The following OIT3 variants were observed in gnomAD, a reference collection of about 807,000 sequenced individuals.
The protein encoded by OIT3 is oncoprotein induced transcript 3.
OIT3 carries 41 observed loss-of-function variants against 52.2 expected under a neutral mutation model. That is an observed-to-expected ratio of 0.79 (90% CI 0.61 to 1.02). The LOEUF (loss-of-function observed/expected upper bound fraction) is 1.02. OIT3 is among the 50% of genes least tolerant of loss of function. The pLI is 0.00. For synonymous variants in OIT3, 244 were observed against 276.9 expected, an observed-to-expected ratio of 0.88 and a Z score of 1.18; for missense variants, 634 against 715.5, an observed-to-expected ratio of 0.89 and a Z score of 1.30.
At chr10:72,922,946 G>A (rs995751731) in intron 6 of OIT3, among the ~76,000 whole-genome samples, 5 of 152,128 alleles carry the variant, frequency 3.3e-5, no homozygotes, top group African/African-American at 1.2e-4. Context: ...TGCAATCTCA[G>A]CTCACTGCAA....
rs189260368 is a variant in OIT3 at position 72,922,091 on chromosome 10, C to T, written c.952-2138C>T. ...GGGCTTCCCTTGTAGGTGACTTAGC[C>T]TTTCTCTCTGGCTGCCCTTAACATG... is the stretch of plus-strand genomic sequence containing the variant. On this transcript the variant is annotated intron_variant, in intron 6 of 8. Transcript: ENST00000334011. Among the ~76,000 whole-genome samples, 441 of 152,240 alleles carry T rather than the reference C, an allele frequency of 2.9e-3. 2 individuals carry two copies. The highest frequency in any genetic ancestry group is 1.0e-2 in the African/African-American group (415 of 41,524).
chr10:72,896,395 G>A (rs1405334160), intron 1 of OIT3, among the ~76,000 whole-genome samples: 1 of 152,182 alleles, frequency 6.6e-6, no homozygotes, highest in African/African-American at 2.4e-5. Context: ...CTTTTGATGG[G>A]AGAAAGAATC....
Position 72,911,801 on chromosome 10 carries a change from G to T in OIT3, c.752G>T (p.Arg251Leu). The T allele has an allele frequency of 1.2e-6, 2 of 1,613,514 alleles. No individual in the cohort carries two copies. Among genetic ancestry groups the T allele is most frequent in the South Asian group, 2.2e-5 (2 of 91,002 alleles). The change falls in exon 5 of 9, where the codon CGG becomes CTG. Residue 251 changes from arginine (R) to leucine (L), a missense_variant. Coordinates refer to ENST00000334011, the MANE Select transcript of OIT3 (RefSeq NM_152635.3). ...SEKGYQCECP[R>L]GLVLSEDNHT... ...AAAGGCTACCAGTGTGAATGTCCCC[G>T]GGGCCTGGTGCTGTCTGAGGATAAC...
intron 8 of OIT3, among the ~76,000 whole-genome samples, 177 bp from the exon 9 acceptor site, chr10:72,932,177 G>A (rs772097469): frequency 6.6e-6 from 1 of 152,164 alleles, no homozygotes; most frequent in African/African-American, 2.4e-5. Flanking sequence ...ATTTGGGCAA[G>A]TTCCTTAACC....
At chr10:72,926,929 G>A (rs539406367) in intron 7 of OIT3, among the ~76,000 whole-genome samples, 100 of 152,092 alleles carry the variant, frequency 6.6e-4, no homozygotes, top group African/African-American at 2.4e-3. Flanking sequence ...GTTCTGATGT[G>A]TATACCCATG....
intron 1 of OIT3, among the ~76,000 whole-genome samples, chr10:72,897,432 A>G (rs891207381): frequency 5.9e-5 from 9 of 152,244 alleles, no homozygotes; most frequent in African/African-American, 2.2e-4. Flanking sequence ...ACTTGGCTAT[A>G]TGACAGCTAG....
intron 7 of OIT3, 54 bp from the exon 8 acceptor site, chr10:72,930,484 T>C: frequency 1.5e-6 from 2 of 1,346,730 alleles, no homozygotes; most frequent in Non-Finnish European, 2.1e-6. Flanking sequence ...TTAGATTGTT[T>C]TTCCACCTCT....
chr10:72,915,503 T>C (rs756415183), intron 6 of OIT3, among the ~76,000 whole-genome samples: 9 of 152,238 alleles, frequency 5.9e-5, no homozygotes, highest in Non-Finnish European at 1.0e-4. Context: ...ACAGTCTTGT[T>C]CTGTGTGTGT....
intron 1 of OIT3, among the ~76,000 whole-genome samples, chr10:72,896,325 G>C (rs1044714806): frequency 3.9e-5 from 6 of 152,108 alleles, no homozygotes; most frequent in African/African-American, 1.4e-4. Context: ...AACTGCTCTG[G>C]AAACCTTATT....
rs1409962488 is a variant in OIT3, at chr10:72,932,532, C to A, written c.*8C>A. 6.3e-7 allele frequency: 1 copy of A among 1,587,316 alleles called. No homozygotes were observed. The highest frequency in any genetic ancestry group is 8.6e-7 in the Non-Finnish European group (1 of 1,166,560). On this transcript the variant is annotated 3_prime_UTR_variant, in exon 9 of 9. Transcript: ENST00000334011. ...ATCGACTGGGAGGACTAGTTCGTAG[C>A]CATACCTCGAGTCCCTGCATTGGAC...
At chr10:72,907,264 A>G (rs1360398850) in intron 4 of OIT3, among the ~76,000 whole-genome samples, 1 of 151,998 alleles carries the variant, frequency 6.6e-6, no homozygotes. Context: ...CAGAGAGAAA[A>G]TATCTCAAAA....
Position 72,932,830 on chromosome 10 carries a change from A to G in OIT3, c.*306A>G. The G allele has an allele frequency of 3.8e-6, 1 of 265,538 alleles. No homozygotes were observed. Among genetic ancestry groups the G allele is most frequent in the South Asian group, 1.6e-4 (1 of 6,396 alleles). 16.4% of individuals were successfully genotyped at this position (265,538 alleles called of 1,614,324 possible). ...ACTTAAATACCTCGTGTATGGTGCA[A>G]TCAGACCACAAAATCAGAAGCTGGG... On this transcript the variant is annotated 3_prime_UTR_variant, in exon 9 of 9. Coordinates refer to ENST00000334011, the MANE Select transcript of OIT3 (RefSeq NM_152635.3).
At position 72,924,609 on chromosome 10, in the gene OIT3, C is replaced by T. The variant is rs778112818; in HGVS notation, c.1332C>T (p.Ile444=). Residue 444 remains isoleucine, a synonymous_variant, in exon 7 of 9, where the codon ATC becomes ATT. Coordinates refer to ENST00000334011, the MANE Select transcript of OIT3 (RefSeq NM_152635.3). ...ESCFATPTSK[I]DEVLKYYLIR... is the part of the protein sequence containing the mutation. ...GCTTTGCCACCCCCACCTCCAAGAT[C>T]GACGAGGTCCTGAAATACTACCTCA... is the stretch of plus-strand genomic sequence containing the variant. 78 of 1,613,232 alleles carry T rather than the reference C, an allele frequency of 4.8e-5. No individual in the cohort carries two copies. The highest frequency in any genetic ancestry group is 1.6e-4 in the Middle Eastern group (1 of 6,078).
At chr10:72,899,662 C>A in intron 2 of OIT3, among the ~76,000 whole-genome samples, 1 of 150,382 alleles carries the variant, frequency 6.6e-6, no homozygotes, top group African/African-American at 2.4e-5. Flanking sequence ...GGTGGATTTC[C>A]AACTTTTGAG....
At chr10:72,905,800 G>GGGGATACACCTTCT (rs1294564214) in intron 3 of OIT3, among the ~76,000 whole-genome samples, 8 of 152,120 alleles carry the variant, frequency 5.3e-5, no homozygotes, top group Admixed American at 2.0e-4. Flanking sequence ...ATCTCATTGA[G>GGGGATACACCTTCT]GGGATACATC....
At chr10:72,901,205 A>C (rs1845932074) in intron 3 of OIT3, among the ~76,000 whole-genome samples, 1 of 152,176 alleles carries the variant, frequency 6.6e-6, no homozygotes, top group African/African-American at 2.4e-5. Flanking sequence ...TGACTACTAA[A>C]AAATTTTAAA....
At chr10:72,929,598 G>A (rs1846198122) in intron 7 of OIT3, among the ~76,000 whole-genome samples, 1 of 150,816 alleles carries the variant, frequency 6.6e-6, no homozygotes, top group Admixed American at 6.6e-5. Flanking sequence ...TTAGAGACAA[G>A]GTCTTGCTAT....
intron 6 of OIT3, among the ~76,000 whole-genome samples, chr10:72,919,471 C>T (rs1846102838): frequency 6.6e-6 from 1 of 152,160 alleles, no homozygotes; most frequent in African/African-American, 2.4e-5. Flanking sequence ...CTGGCCAGAA[C>T]TTCCAACACT....
At chr10:72,917,154 C>G (rs1362437521) in intron 6 of OIT3, among the ~76,000 whole-genome samples, 1 of 152,024 alleles carries the variant, frequency 6.6e-6, no homozygotes, top group Non-Finnish European at 1.5e-5. Context: ...TGTAGAAGCT[C>G]TTTAGTTTAA....
Sources: allele counts gnomAD v4.1 joint callset (sites outside exome capture counted in the v4.1 genomes callset), GRCh38; gene constraint gnomAD v4.1.1; transcripts MANE v1.5; gene names NCBI Gene and HGNC (gene_info 2026-07-23, HGNC 2026-07-21).